The following CCNA1 variants were observed in gnomAD, a reference collection of about 807,000 sequenced individuals.
CCNA1 encodes the protein cyclin-A1.
Under a neutral mutation model 54.1 loss-of-function variants are expected in CCNA1, and 23 were observed. The ratio of observed to expected loss-of-function variants is 0.42; its 90% CI spans 0.31 to 0.60. CCNA1 has a LOEUF of 0.60. Among genes scored for constraint, CCNA1 ranks in the 20% least tolerant of loss-of-function variants. The pLI is 0.14. For missense variants in CCNA1, 450 were observed against 556.7 expected (o/e 0.81, Z 1.93); for synonymous variants, 208 against 213.9 (o/e 0.97, Z 0.24).
intron 7 of CCNA1, among the ~76,000 whole-genome samples, chr13:36,441,565 A>C (rs1260012744): frequency 6.6e-6 from 1 of 152,142 alleles, no homozygotes; most frequent in African/African-American, 2.4e-5. Context: ...TTCTATATTA[A>C]AAACAAAAAC....
Position 36,442,186 on chromosome 13 carries a change from G to A in CCNA1, c.1228G>A (p.Ala410Thr), listed in dbSNP as rs1264096023. ...TCTTGATTAGCCAGAAACCCTTGCT[G>A]CATTTACAGGGTATTCATTAAGTGA... Residue 410 changes from alanine (A) to threonine (T), a missense_variant, in exon 8 of 9, where the codon GCA becomes ACA. Coordinates refer to ENST00000255465, the MANE Select transcript of CCNA1 (RefSeq NM_003914.4). The A allele has an allele frequency of 1.2e-6, 2 of 1,612,968 alleles. No homozygotes were observed. Among genetic ancestry groups the A allele is most frequent in the Non-Finnish European group, 1.7e-6 (2 of 1,179,236 alleles).
In CCNA1 at chr13:36,440,195, G is replaced by A. The variant is rs1161818658; in HGVS notation, c.1098+12G>A. ...AGAACCTGGCTAAGGTGTGTATGCC[G>A]CGTGATTTCTAGGAACTTCCAGTGC... On this transcript the variant is annotated intron_variant, in intron 6 of 8. Coordinates refer to ENST00000255465, the MANE Select transcript of CCNA1 (RefSeq NM_003914.4). 2.5e-6 allele frequency: 4 copies of A among 1,608,944 alleles called. No individual in the cohort carries two copies. The highest frequency in any genetic ancestry group is 3.4e-6 in the Non-Finnish European group (4 of 1,176,022).
At chr13:36,438,931 C>T (rs1345890254) in intron 5 of CCNA1, 64 bp downstream of exon 5, 13 of 1,239,522 alleles carry the variant, frequency 1.0e-5, no homozygotes, top group East Asian at 2.3e-5. Flanking sequence ...AATTTTTGTC[C>T]TCTATTTCTT....
At position 36,432,692 on chromosome 13, in the gene CCNA1, G is replaced by A; in HGVS notation, c.71G>A (p.Ser24Asn). 5.0e-6 allele frequency: 8 copies of A among 1,613,176 alleles called. No homozygotes were observed. The highest frequency in any genetic ancestry group is 1.3e-5 in the African/African-American group (1 of 75,026). Residue 24 changes from serine to asparagine, a missense_variant, in exon 1 of 9, where the codon AGC becomes AAC. Physicochemically the swap from Ser to Asn is conservative, Grantham distance 46 (BLOSUM62 1). Coordinates refer to ENST00000255465, the MANE Select transcript of CCNA1 (RefSeq NM_003914.4). ...GGGGGCTGGGGAGAAGAGTATCTCA[G>A]CTGGGAAGGACCGGGGCTCCCAGAT...
rs1164373155 is a variant in CCNA1 at position 36,442,086 on chromosome 13, C to CTA, written c.1213-84_1213-83dup. The stretch of plus-strand genomic sequence containing the variant: ...ATGAATGTGAATATTTACTAAGGGA[C>CTA]TAATTCCCTTTATTTCAAATTGGTT... On this transcript the variant is annotated intron_variant, in intron 7 of 8. Transcript: ENST00000255465. 4 of 1,043,784 alleles carry CTA rather than the reference C, an allele frequency of 3.8e-6. No individual in the cohort carries two copies. In the African/African-American group the frequency reaches 6.3e-5, roughly 16 times the overall value. 64.7% of individuals were successfully genotyped at this position (1,043,784 alleles called of 1,614,324 possible).
In CCNA1 at chr13:36,438,256, A is replaced by G. The variant is rs1281373156; in HGVS notation, c.669+65A>G. The G allele has an allele frequency of 2.7e-6, 4 of 1,457,956 alleles. No homozygotes were observed. The East Asian group carries it at 6.8e-5, about 25-fold the overall frequency. The allele number at this position is 1,457,956 out of a possible 1,614,324, so 90.3% of individuals were successfully genotyped here. A position where few individuals can be genotyped will look rare whatever the true frequency, so the allele number is the denominator to read the frequency against. ...AGCTCTTATTACTAAGATAAATTATAAACTCTTGGTCCATAACCACTAGTG... is the reference window on the plus strand; with the variant it reads ...AGCTCTTATTACTAAGATAAATTATGAACTCTTGGTCCATAACCACTAGTG... On this transcript the variant is annotated intron_variant, in intron 4 of 8. Transcript: ENST00000255465.
intron 2 of CCNA1, among the ~76,000 whole-genome samples, 194 bp downstream of exon 2, chr13:36,433,415 T>TTCGTTCGTTCGTTCGTTCGTTCG (rs1566169541): frequency 8.2e-6 from 1 of 121,640 alleles, no homozygotes; most frequent in African/African-American, 3.2e-5. Context: ...TCTTTCTTTC[T>TTCGTTCGTTCGTTCGTTCGTTCG]TTCTTTCTTT....
chr13:36,438,133 A>T lies in CCNA1; in HGVS notation c.611A>T (p.Asp204Val). 6.2e-7 allele frequency: 1 copy of T among 1,613,642 alleles called. No individual in the cohort carries two copies. ...GAAGATATATCCAGTCTTGGCACAG[A>T]TGTGATAAATGTGACTGAATATGCT... Residue 204 changes from aspartate to valine, a missense_variant, in exon 4 of 9, where the codon GAT (aspartate) becomes GTT (valine). Asp to Val is a radical substitution (Grantham distance 152). Around this residue, in one of 6 missense-constraint regions of CCNA1, gnomAD observed 150 missense variants for 219.7 expected, o/e 0.68. Transcript: ENST00000255465.
intron 7 of CCNA1, 31 bp from the exon 8 acceptor site, chr13:36,442,140 T>C (rs767196832): frequency 1.3e-6 from 2 of 1,592,798 alleles, no homozygotes; most frequent in South Asian, 1.1e-5. Flanking sequence ...TAAAGTTATG[T>C]GAAGCAATTT....
chr13:36,441,093 A>G (rs368269809), intron 6 of CCNA1, 25 bp from the exon 7 acceptor site: 8 of 1,237,760 alleles, frequency 6.5e-6, no homozygotes, highest in Non-Finnish European at 9.4e-6. Flanking sequence ...TCTAATTCCA[A>G]TGTGTTTTCT....
chr13:36,433,402 CTTTCTTTCT>C (rs2055748390), intron 2 of CCNA1, among the ~76,000 whole-genome samples, 181 bp downstream of exon 2: 1 of 106,102 alleles, frequency 9.4e-6, no homozygotes, highest in East Asian at 2.1e-4. Flanking sequence ...TTCTTTCTTT[CTTTCTTTCT>C]TTCTTTCTTT....
rs770373399 is a variant in CCNA1 at position 36,432,651 on chromosome 13, C to A, written c.30C>A (p.Tyr10Ter). 1 of 1,607,990 alleles carries A rather than the reference C, an allele frequency of 6.2e-7. No individual in the cohort carries two copies. The highest frequency in any genetic ancestry group is 1.1e-5 in the South Asian group (1 of 90,114). Residue 10 changes from tyrosine to a stop codon, truncating the protein, a stop_gained, in exon 1 of 9, where the codon TAC becomes TAA. The change creates a premature stop within an existing upstream ORF in the 5' untranslated region. Coordinates refer to ENST00000255465, the MANE Select transcript of CCNA1 (RefSeq NM_003914.4). LOFTEE classifies it high-confidence loss of function. ...AGACCGGCTTTCCCGCAATCATGTA[C>A]CCTGGATCTTTTATTGGGGGCTGGG... is the stretch of plus-strand genomic sequence containing the variant.
At chr13:36,439,678 T>C (rs560304812) in intron 5 of CCNA1, among the ~76,000 whole-genome samples, 5 of 152,350 alleles carry the variant, frequency 3.3e-5, no homozygotes, top group African/African-American at 1.2e-4. Context: ...AATTTACCTG[T>C]AGTGTCTGTC....
Position 36,438,170 on chromosome 13 carries a change from T to A in CCNA1, c.648T>A (p.Tyr216Ter). 1 of 1,613,692 alleles carries A rather than the reference T, an allele frequency of 6.2e-7. No individual in the cohort carries two copies. The highest frequency in any genetic ancestry group is 8.5e-7 in the Non-Finnish European group (1 of 1,179,856). ...TGACTGAATATGCTGAAGAAATTTATCAGTACCTTAGGGAAGCTGAAGTAA... is the reference window on the plus strand; with the variant it reads ...TGACTGAATATGCTGAAGAAATTTAACAGTACCTTAGGGAAGCTGAAGTAA... The change falls in exon 4 of 9, where the codon TAT (tyrosine) becomes TAA (stop). Residue 216 changes from tyrosine to a stop codon, truncating the protein, a stop_gained. Coordinates refer to ENST00000255465, the MANE Select transcript of CCNA1 (RefSeq NM_003914.4). LOFTEE classifies it high-confidence loss of function.
Position 36,437,780 on chromosome 13 carries a change from G to C in CCNA1, c.449G>C (p.Cys150Ser). The stretch of plus-strand genomic sequence containing the variant: ...CTAGAGCAGGGGGACAGAGACAGCT[G>C]CTCGGTCAGAGAGGGGATGGCATTT... The change falls in exon 3 of 9, where the codon TGC becomes TCC. Residue 150 changes from cysteine (C) to serine (S), a missense_variant. Physicochemically the swap from Cys to Ser is moderately radical, Grantham distance 112. Around this residue, in one of 6 missense-constraint regions of CCNA1, gnomAD observed 103 missense variants for 92.9 expected, o/e 1.11. Coordinates refer to ENST00000255465, the MANE Select transcript of CCNA1 (RefSeq NM_003914.4). The C allele has an allele frequency of 6.2e-7, 1 of 1,614,154 alleles. No homozygotes were observed. Among genetic ancestry groups the C allele is most frequent in the East Asian group, 2.2e-5 (1 of 44,870 alleles).
intron 2 of CCNA1, among the ~76,000 whole-genome samples, 165 bp downstream of exon 2, chr13:36,433,386 C>T (rs933317061): frequency 5.5e-5 from 4 of 72,542 alleles, no homozygotes; most frequent in Non-Finnish European, 1.0e-4. Context: ...TTCTTTCTTT[C>T]TTTCTTTCTT....
At chr13:36,437,497 A>C in intron 2 of CCNA1, 132 bp from the exon 3 acceptor site, 1 of 849,908 alleles carries the variant, frequency 1.2e-6, no homozygotes, top group Non-Finnish European at 1.8e-6. Flanking sequence ...TTTTGGAATT[A>C]AATTGCCGAC....
At chr13:36,434,805 G>A (rs1004158707) in intron 2 of CCNA1, among the ~76,000 whole-genome samples, 2 of 145,304 alleles carry the variant, frequency 1.4e-5, no homozygotes, top group Middle Eastern at 3.4e-3. Context: ...TGACTGCTAT[G>A]TCCCTGCTGT....
chr13:36,434,089 A>T (rs1362831557), intron 2 of CCNA1, among the ~76,000 whole-genome samples: 3 of 152,206 alleles, frequency 2.0e-5, no homozygotes, highest in Non-Finnish European at 2.9e-5. Flanking sequence ...AAACCTGGAT[A>T]ATCTTGGCTG....
Sources: gnomAD v4.1 joint callset for allele counts (sites outside exome capture counted in the v4.1 genomes callset) on GRCh38, gnomAD v4.1.1 for gene constraint, gnomAD v4.1.1 regional missense constraint, MANE v1.5 for transcripts, NCBI Gene and HGNC (gene_info 2026-07-23, HGNC 2026-07-21) for gene names.